The following SCN10A variants were observed in gnomAD, a reference collection of about 807,000 sequenced individuals.
SCN10A encodes the protein sodium channel protein type 10 subunit alpha.
Under a neutral mutation model 170.7 loss-of-function variants are expected in SCN10A, and 162 were observed. The observed-to-expected ratio is 0.95, with a 90% CI of 0.84 to 1.08. The LOEUF (loss-of-function observed/expected upper bound fraction) is 1.08. Ranked by LOEUF, SCN10A falls within the 50% of genes least tolerant of loss-of-function variation. SCN10A has a pLI of 0.00. For synonymous variants in SCN10A, 985 were observed against 904.6 expected, an observed-to-expected ratio of 1.09 and a Z score of -1.59; for missense variants, 2,527 against 2,436.9, an observed-to-expected ratio of 1.04 and a Z score of -0.78.
chr3:38,698,949 G>C (rs1256613634), intron 27 of SCN10A, among the ~76,000 whole-genome samples: 1 of 152,094 alleles, frequency 6.6e-6, no homozygotes, highest in Non-Finnish European at 1.5e-5. Flanking sequence ...GCTCCTCCCT[G>C]ATACTGCAGC....
chr3:38,754,825 A>G (rs1329119577), intron 11 of SCN10A, among the ~76,000 whole-genome samples: 3 of 152,184 alleles, frequency 2.0e-5, no homozygotes, highest in African/African-American at 7.2e-5. Flanking sequence ...AGCACAGGAA[A>G]AGAGATTGAG....
chr3:38,725,094 C>T lies in SCN10A; in HGVS notation c.3228+80G>A, dbSNP rs573832704. 161 of 1,367,290 alleles carry T rather than the reference C, an allele frequency of 1.2e-4. 1 individual carries two copies. In the South Asian group the frequency reaches 1.4e-3, roughly 12 times the overall value. 84.7% of individuals were successfully genotyped at this position (1,367,290 alleles called of 1,614,324 possible). On this transcript the variant is annotated intron_variant, in intron 18 of 27. Coordinates refer to ENST00000449082, the MANE Select transcript of SCN10A (RefSeq NM_006514.4). ...GCAGTCTGGAATACCCCACCTTCAC[C>T]GCCACCCTCCAGCCTCTACCAGCCC... is the stretch of plus-strand genomic sequence containing the variant.
intron 25 of SCN10A, among the ~76,000 whole-genome samples, chr3:38,708,826 T>C (rs971152368): frequency 1.3e-5 from 2 of 152,264 alleles, no homozygotes; most frequent in East Asian, 1.9e-4. Context: ...GGTTTGCATG[T>C]ACTCTGTGAC....
At chr3:38,734,527 G>A (rs1463616797) in intron 15 of SCN10A, among the ~76,000 whole-genome samples, 1 of 152,214 alleles carries the variant, frequency 6.6e-6, no homozygotes, top group Non-Finnish European at 1.5e-5. Context: ...GGAATGTAAA[G>A]TTGATTTAAC....
rs2063441361 is a variant in SCN10A at position 38,725,274 on chromosome 3, A to T, written c.3128T>A (p.Leu1043Gln). The T allele has an allele frequency of 6.3e-7, 1 of 1,599,162 alleles. No homozygotes were observed. Among genetic ancestry groups the T allele is most frequent in the African/African-American group, 1.3e-5 (1 of 74,832 alleles). The change falls in exon 18 of 28, where the codon CTG becomes CAG. Residue 1043 changes from leucine (L) to glutamine (Q), a missense_variant. Leu to Gln is a moderately radical substitution (Grantham distance 113, BLOSUM62 -2). Transcript: ENST00000449082. ...LQQVERCGDHLTPRSPGTGTS... is the reference protein window; with the variant it reads ...LQQVERCGDHQTPRSPGTGTS... ...TCCAGTGCCTGGGCTCCTGGGTGTC[A>T]GGTGGTCCCCACACCTCTCGACTTG...
At chr3:38,766,058 T>C (rs2063929262) in intron 5 of SCN10A, among the ~76,000 whole-genome samples, 1 of 152,076 alleles carries the variant, frequency 6.6e-6, no homozygotes, top group Non-Finnish European at 1.5e-5. Context: ...TGTACAGTAG[T>C]GCTGCTGATT....
intron 4 of SCN10A, among the ~76,000 whole-genome samples, chr3:38,773,923 A>G (rs955994026): frequency 3.9e-5 from 6 of 152,162 alleles, no homozygotes; most frequent in African/African-American, 1.4e-4. Context: ...ATATTATTGG[A>G]GATAGGGAGG....
chr3:38,728,685 G>A lies in SCN10A; in HGVS notation c.2497C>T (p.His833Tyr). The A allele has an allele frequency of 1.9e-6, 3 of 1,614,232 alleles. No homozygotes were observed. The highest frequency in any genetic ancestry group is 2.5e-6 in the Non-Finnish European group (3 of 1,180,042). ...ATGAGGAAAGAGTGGAAGAAGTCGT[G>A]CATGTGCCAGCGGGGCCAGTCTTCA... is the stretch of plus-strand genomic sequence containing the variant. The part of the protein sequence containing the change: ...PHEDWPRWHM[H>Y]DFFHSFLIVF... Residue 833 changes from histidine (H) to tyrosine (Y), a missense_variant, in exon 16 of 28, where the codon CAC (histidine) becomes TAC (tyrosine). His to Tyr is a moderately conservative substitution (Grantham distance 83). Transcript: ENST00000449082.
intron 5 of SCN10A, among the ~76,000 whole-genome samples, 159 bp downstream of exon 5, chr3:38,771,120 T>G (rs1284492544): frequency 6.6e-6 from 1 of 152,192 alleles, no homozygotes; most frequent in Non-Finnish European, 1.5e-5. Flanking sequence ...ATTCTTTCAG[T>G]TCTCCTGGTA....
In SCN10A at chr3:38,756,887, A is replaced by G. The variant is rs776529322; in HGVS notation, c.1093-16T>C. On this transcript the variant is annotated splice_polypyrimidine_tract_variant and intron_variant, in intron 9 of 27. Coordinates refer to ENST00000449082, the MANE Select transcript of SCN10A (RefSeq NM_006514.4). ...TCCTCAGGGTCTGCAGGTTCAAGGG[A>G]AAGAAGAGAAACCTGTACCCATAGC... The G allele has an allele frequency of 2.7e-5, 44 of 1,613,514 alleles. No homozygotes were observed. Among genetic ancestry groups the G allele is most frequent in the Non-Finnish European group, 3.5e-5 (41 of 1,179,690 alleles).
chr3:38,702,391 G>T (rs2063165712), intron 26 of SCN10A, among the ~76,000 whole-genome samples: 1 of 152,272 alleles, frequency 6.6e-6, no homozygotes, highest in Non-Finnish European at 1.5e-5. Flanking sequence ...TCCTCTCTTG[G>T]CTGTCTAAAT....
At chr3:38,810,324 C>T (rs1456156874) in intron 1 of SCN10A, among the ~76,000 whole-genome samples, 2 of 152,170 alleles carry the variant, frequency 1.3e-5, no homozygotes, top group Admixed American at 6.5e-5. Flanking sequence ...CAGTATAACG[C>T]AGCCCTTCAG....
At chr3:38,776,333 T>C (rs1444460969) in intron 4 of SCN10A, among the ~76,000 whole-genome samples, 1 of 152,142 alleles carries the variant, frequency 6.6e-6, no homozygotes, top group Non-Finnish European at 1.5e-5. Context: ...GTAGGATTTA[T>C]ATTTCTATTT....
Position 38,766,413 on chromosome 3 carries a change from A to G in SCN10A, c.600-2817T>C, listed in dbSNP as rs562534202. ...TATTACCTTGGAGTATGTCCCTTCT[A>G]TGCCAATTTGGTTGAGGGTTTTAAT... On this transcript the variant is annotated intron_variant, in intron 5 of 27. Coordinates refer to ENST00000449082, the MANE Select transcript of SCN10A (RefSeq NM_006514.4). 2.0e-5 allele frequency among the ~76,000 whole-genome samples: 3 copies of G among 152,250 alleles called. No individual in the cohort carries two copies. The South Asian group carries it at 6.2e-4, about 31-fold the overall frequency.
At chr3:38,756,604 C>T in intron 10 of SCN10A, 70 bp downstream of exon 10, 1 of 1,290,246 alleles carries the variant, frequency 7.8e-7, no homozygotes, top group South Asian at 1.2e-5. Context: ...ATTGAAGTGG[C>T]TAGTCCAGAA....
intron 4 of SCN10A, among the ~76,000 whole-genome samples, chr3:38,781,016 A>G (rs1201171023): frequency 1.3e-5 from 2 of 152,150 alleles, no homozygotes. Flanking sequence ...GTCATTCGGC[A>G]GTTGAAGCAA....
intron 15 of SCN10A, among the ~76,000 whole-genome samples, chr3:38,730,781 G>A (rs1365182807): frequency 6.6e-6 from 1 of 152,138 alleles, no homozygotes; most frequent in African/African-American, 2.4e-5. Flanking sequence ...GAGAGAATTA[G>A]TGAACTGAGG....
chr3:38,705,273 A>T (rs1360341270), intron 26 of SCN10A, among the ~76,000 whole-genome samples: 1 of 152,082 alleles, frequency 6.6e-6, no homozygotes, highest in Non-Finnish European at 1.5e-5. Flanking sequence ...TATTAAGGGG[A>T]GAGCCACGTT....
At chr3:38,785,095 C>T (rs1460232187) in intron 4 of SCN10A, among the ~76,000 whole-genome samples, 3 of 152,152 alleles carry the variant, frequency 2.0e-5, no homozygotes, top group Non-Finnish European at 2.9e-5. Flanking sequence ...CCCCATCAAG[C>T]TACCACTGAC....
Sources: gnomAD v4.1 joint callset for allele counts (sites outside exome capture counted in the v4.1 genomes callset) on GRCh38, gnomAD v4.1.1 for gene constraint, MANE v1.5 for transcripts, NCBI Gene and HGNC (gene_info 2026-07-23, HGNC 2026-07-21) for gene names.